The following FRMD4B variants were observed in gnomAD, a reference collection of about 807,000 sequenced individuals.
FRMD4B encodes FERM domain-containing protein 4B.
FRMD4B carries 74 observed loss-of-function variants against 141.5 expected under a neutral mutation model. The ratio of observed to expected loss-of-function variants is 0.52; its 90% CI spans 0.43 to 0.63. The LOEUF (loss-of-function observed/expected upper bound fraction) is 0.63, where lower values mean the gene tolerates loss of function less well. FRMD4B is among the 30% of genes least tolerant of loss of function. The pLI is 0.00. For synonymous variants in FRMD4B, 506 were observed against 467.9 expected (o/e 1.08, Z -1.05); for missense variants, 1,366 against 1,253.4 (o/e 1.09, Z -1.36).
At chr3:69,414,070 C>T (rs956028863) in intron 2 of FRMD4B, among the ~76,000 whole-genome samples, 1 of 152,138 alleles carries the variant, frequency 6.6e-6, no homozygotes, top group African/African-American at 2.4e-5. Flanking sequence ...CCTCAAAACA[C>T]ATATGTTCCC....
chr3:69,505,098 AG>A (rs1200263689), intron 1 of FRMD4B, among the ~76,000 whole-genome samples: 1 of 118 alleles, frequency 8.5e-3, no homozygotes, highest in African/African-American at 0.045. Flanking sequence ...GGCCAGCATA[AG>A]TGGCTTATGC....
intron 3 of FRMD4B, chr3:69,310,490 G>T (rs898553257): frequency 2.2e-6 from 1 of 455,702 alleles, no homozygotes; most frequent in South Asian, 1.5e-5. Context: ...ATAATGTATC[G>T]GGCTGCATAA....
At chr3:69,440,308 C>G (rs1298960360) in intron 1 of FRMD4B, among the ~76,000 whole-genome samples, 1 of 152,138 alleles carries the variant, frequency 6.6e-6, no homozygotes, top group African/African-American at 2.4e-5. Context: ...ACTTTTGATA[C>G]TGTGTTTTCC....
intron 1 of FRMD4B, among the ~76,000 whole-genome samples, chr3:69,541,875 C>T (rs963938877): frequency 2.0e-5 from 3 of 152,046 alleles, no homozygotes; most frequent in Admixed American, 6.5e-5. Context: ...CTCCCACGAA[C>T]GCGCGGCAAC....
Position 69,357,540 on chromosome 3 carries a change from G to T in FRMD4B, c.162+28288C>A, listed in dbSNP as rs112014233. 2.0e-5 allele frequency among the ~76,000 whole-genome samples: 3 copies of T among 152,316 alleles called. 1 individual carries two copies. Among genetic ancestry groups the T allele is most frequent in the African/African-American group, 7.2e-5 (3 of 41,564 alleles). ...ATATGTATTGGTGACTTTGTGGAGG[G>T]TTTTATTGACTGTGAGGGTGGAATA... On this transcript the variant is annotated intron_variant, in intron 1 of 22. Coordinates refer to ENST00000398540, the MANE Select transcript of FRMD4B (RefSeq NM_015123.3).
At chr3:69,179,021 T>C (rs1283366413) in intron 21 of FRMD4B, among the ~76,000 whole-genome samples, 3 of 151,856 alleles carry the variant, frequency 2.0e-5, no homozygotes, top group Admixed American at 2.0e-4. Flanking sequence ...TGGAAATTTA[T>C]CACTCCATGA....
intron 1 of FRMD4B, among the ~76,000 whole-genome samples, chr3:69,485,652 C>T (rs546410391): frequency 9.6e-4 from 146 of 152,326 alleles, no homozygotes; most frequent in Middle Eastern, 3.4e-3. Flanking sequence ...GCCCAGCCCC[C>T]TCACAGCCTG....
intron 5 of FRMD4B, among the ~76,000 whole-genome samples, chr3:69,258,264 C>A (rs1453800921): frequency 6.6e-6 from 1 of 152,078 alleles, no homozygotes; most frequent in Non-Finnish European, 1.5e-5. Context: ...CTGCGCCCAG[C>A]CAGTATATTC....
chr3:69,311,904 A>G (rs1701605329), intron 2 of FRMD4B, among the ~76,000 whole-genome samples: 1 of 152,188 alleles, frequency 6.6e-6, no homozygotes, highest in East Asian at 1.9e-4. Flanking sequence ...GCTATGAGGC[A>G]GGGCTTTTTA....
rs1323818357 is a variant in FRMD4B at position 69,170,405 on chromosome 3, T to TC, written c.*1455_*1456insG. 2 of 151,658 alleles carry TC rather than the reference T, an allele frequency of 1.3e-5. No homozygotes were observed. The highest frequency in any genetic ancestry group is 1.3e-4 in the Admixed American group (2 of 15,212). 9.4% of individuals were successfully genotyped at this position (151,658 alleles called of 1,614,324 possible). A position where few individuals can be genotyped will look rare whatever the true frequency, so the allele number is the denominator to read the frequency against. On this transcript the variant is annotated 3_prime_UTR_variant, in exon 23 of 23. Transcript: ENST00000398540. ...AATATGCAAAAAAGGAATAAGTTATTTTTTTTTGCTTGTCTTTTTTCCAAA... is the reference window on the plus strand; with the variant it reads ...AATATGCAAAAAAGGAATAAGTTATTCTTTTTTTGCTTGTCTTTTTTCCAAA...
chr3:69,313,606 T>C (rs1701683852), intron 1 of FRMD4B, 89 bp from the exon 2 acceptor site: 3 of 782,732 alleles, frequency 3.8e-6, no homozygotes, highest in African/African-American at 1.7e-5. Context: ...TTATATGAGA[T>C]GGGCTCAGCC....
At chr3:69,266,961 C>T (rs2093564917) in intron 5 of FRMD4B, among the ~76,000 whole-genome samples, 1 of 152,160 alleles carries the variant, frequency 6.6e-6, no homozygotes, top group Non-Finnish European at 1.5e-5. Flanking sequence ...CAACTGAGGC[C>T]ATTTCATCAT....
At chr3:69,311,179 A>G (rs371436041) in intron 3 of FRMD4B, 84 bp downstream of exon 3, 9 of 632,900 alleles carry the variant, frequency 1.4e-5, no homozygotes, top group Non-Finnish European at 2.3e-5. Context: ...TGGAGGACTT[A>G]TTTCCTTTTT....
At chr3:69,255,740 C>T (rs2093488372) in intron 5 of FRMD4B, among the ~76,000 whole-genome samples, 1 of 151,998 alleles carries the variant, frequency 6.6e-6, no homozygotes, top group South Asian at 2.1e-4. Context: ...GCTCCAAGGA[C>T]CCACTCCAGG....
Position 69,195,238 on chromosome 3 carries a change from C to T in FRMD4B, c.1361G>A (p.Arg454Gln), listed in dbSNP as rs771545368. ...CCCAAAAAGCAGACTCACAGCCTCCCGCAGACAGATCTTCTTAAGCTCCTC... is the reference window on the plus strand; with the variant it reads ...CCCAAAAAGCAGACTCACAGCCTCCTGCAGACAGATCTTCTTAAGCTCCTC... Reference protein sequence around the residue: ...KVEELKKICLREAELTGKMPK... With the variant: ...KVEELKKICLQEAELTGKMPK... The change falls in exon 15 of 23, where the codon CGG becomes CAG. Residue 454 changes from arginine to glutamine, a missense_variant. Arg to Gln is a conservative substitution (Grantham distance 43). Coordinates refer to ENST00000398540, the MANE Select transcript of FRMD4B (RefSeq NM_015123.3). The T allele has an allele frequency of 7.4e-6, 12 of 1,612,990 alleles. 1 individual carries two copies. The South Asian group carries it at 9.9e-5, about 13-fold the overall frequency.
intron 7 of FRMD4B, among the ~76,000 whole-genome samples, chr3:69,229,887 G>A (rs1172369373): frequency 6.6e-6 from 1 of 151,974 alleles, no homozygotes; most frequent in Non-Finnish European, 1.5e-5. Flanking sequence ...TGTATTTTCA[G>A]TAGAGACAGG....
At chr3:69,399,407 T>C (rs1185241710) in intron 2 of FRMD4B, among the ~76,000 whole-genome samples, 2 of 152,222 alleles carry the variant, frequency 1.3e-5, no homozygotes, top group Non-Finnish European at 2.9e-5. Flanking sequence ...TAGGCCACTG[T>C]CTCAATTTGT....
At chr3:69,237,251 C>A (rs1377664709) in intron 7 of FRMD4B, among the ~76,000 whole-genome samples, 5 of 152,234 alleles carry the variant, frequency 3.3e-5, no homozygotes, top group African/African-American at 1.2e-4. Context: ...AAACACCCAG[C>A]TGGCTGTGCC....
chr3:69,344,133 A>G (rs1702847765), intron 1 of FRMD4B, among the ~76,000 whole-genome samples: 3 of 152,342 alleles, frequency 2.0e-5, no homozygotes, highest in South Asian at 4.1e-4. Flanking sequence ...TCCATTGCCA[A>G]AGATCCTGAT....
Sources: allele counts gnomAD v4.1 joint callset (sites outside exome capture counted in the v4.1 genomes callset), GRCh38; gene constraint gnomAD v4.1.1; transcripts MANE v1.5; gene names NCBI Gene and HGNC (gene_info 2026-07-23, HGNC 2026-07-21).